PFN4: variants seen among roughly 807,000 people sequenced by gnomAD.
PFN4 encodes the protein profilin-4.
Under a neutral mutation model 16.3 loss-of-function variants are expected in PFN4, and 10 were observed. The observed-to-expected ratio is 0.61, with a 90% CI of 0.38 to 1.04. The LOEUF is 1.04. PFN4 is among the 50% of genes least tolerant of loss of function. PFN4 has a pLI of 0.01. For synonymous variants in PFN4, 54 were observed against 56.9 expected (o/e 0.95, Z 0.23); for missense variants, 136 against 153.6 (o/e 0.89, Z 0.61).
At chr2:24,119,036 G>A (rs1666014342) in intron 4 of PFN4, among the ~76,000 whole-genome samples, 1 of 152,146 alleles carries the variant, frequency 6.6e-6, no homozygotes, top group Non-Finnish European at 1.5e-5. Context: ...ATTCAAAAAT[G>A]TATAGACACG....
At chr2:24,119,046 G>A (rs1440239241) in intron 4 of PFN4, among the ~76,000 whole-genome samples, 3 of 152,034 alleles carry the variant, frequency 2.0e-5, no homozygotes, top group South Asian at 2.1e-4. Context: ...GTATAGACAC[G>A]GAGGGGGAAT....
intron 1 of PFN4, 84 bp from the exon 2 acceptor site, chr2:24,122,631 A>C: frequency 3.6e-6 from 3 of 823,356 alleles, no homozygotes; most frequent in East Asian, 4.9e-5. Flanking sequence ...AAGACACTGC[A>C]GACAGTTCTA....
At chr2:24,116,382 G>A (rs1431877459) in intron 4 of PFN4, among the ~76,000 whole-genome samples, 1 of 152,036 alleles carries the variant, frequency 6.6e-6, no homozygotes, top group African/African-American at 2.4e-5. Flanking sequence ...TTTAAAGATG[G>A]GGTCTCACTA....
intron 2 of PFN4, among the ~76,000 whole-genome samples, chr2:24,121,662 A>C (rs1666122729): frequency 6.6e-6 from 1 of 151,998 alleles, no homozygotes; most frequent in East Asian, 1.9e-4. Flanking sequence ...GGTGGGGCCT[A>C]ATGGGAGGTA....
intron 3 of PFN4, 30 bp from the exon 4 acceptor site, chr2:24,119,712 CT>C: frequency 6.5e-7 from 1 of 1,534,930 alleles, no homozygotes; most frequent in Non-Finnish European, 9.0e-7. Flanking sequence ...GAATATTCTG[CT>C]CTTGGTTCTA....
At chr2:24,117,558 T>A (rs1403383165) in intron 4 of PFN4, among the ~76,000 whole-genome samples, 1 of 152,030 alleles carries the variant, frequency 6.6e-6, no homozygotes, top group South Asian at 2.1e-4. Flanking sequence ...TTCTCCTGCC[T>A]CAGCCTCCTG....
rs777158237 is a variant in PFN4 at position 24,115,623 on chromosome 2, C to T, written c.362-12G>A. ...TCTTAGGTAGTCTCCTGAAAGCAAACACAGCATGGTTATTATTTATGAGCT... is the reference window on the plus strand; with the variant it reads ...TCTTAGGTAGTCTCCTGAAAGCAAATACAGCATGGTTATTATTTATGAGCT... On this transcript the variant is annotated splice_polypyrimidine_tract_variant and intron_variant, in intron 4 of 4. Transcript: ENST00000313213. The T allele has an allele frequency of 6.2e-7, 1 of 1,612,244 alleles. No individual in the cohort carries two copies. Among genetic ancestry groups the T allele is most frequent in the Non-Finnish European group, 8.5e-7 (1 of 1,179,002 alleles).
In PFN4 at chr2:24,122,448, T is replaced by C. The variant is rs1666149282; in HGVS notation, c.88A>G (p.Ser30Gly). ...SAALIKIQER[S>G]LCVASPGFNV... ...AAACCTGGTGATGCTACACACAAGC[T>C]CCGCTCCTGGATTTTGATGAGGGCT... The change falls in exon 2 of 5, where the codon AGC becomes GGC. Residue 30 changes from serine (S) to glycine (G), a missense_variant. Physicochemically the swap from Ser to Gly is moderately conservative, Grantham distance 56 (BLOSUM62 0). Coordinates refer to ENST00000313213, the MANE Select transcript of PFN4 (RefSeq NM_199346.3). The C allele has an allele frequency of 1.2e-6, 2 of 1,613,820 alleles. No individual in the cohort carries two copies.
At chr2:24,118,430 G>C (rs1342170184) in intron 4 of PFN4, among the ~76,000 whole-genome samples, 1 of 152,234 alleles carries the variant, frequency 6.6e-6, no homozygotes, top group Non-Finnish European at 1.5e-5. Flanking sequence ...CTAGGCCGAA[G>C]TAATTCATTG....
intron 3 of PFN4, among the ~76,000 whole-genome samples, chr2:24,120,263 C>T (rs980471024): frequency 7.7e-6 from 1 of 130,102 alleles, no homozygotes; most frequent in African/African-American, 2.6e-5. Flanking sequence ...AAGTGAAACT[C>T]GTCTCAAAAA....
At chr2:24,116,625 C>G (rs946886964) in intron 4 of PFN4, among the ~76,000 whole-genome samples, 1 of 152,040 alleles carries the variant, frequency 6.6e-6, no homozygotes, top group African/African-American at 2.4e-5. Flanking sequence ...GAGGCTGAGG[C>G]GGGCAGATCA....
intron 1 of PFN4, chr2:24,122,862 T>A (rs1666164795): frequency 5.0e-6 from 1 of 200,608 alleles, no homozygotes; most frequent in Non-Finnish European, 9.9e-6. Flanking sequence ...CATTACACAC[T>A]GAGAAAAACT....
chr2:24,119,016 T>A (rs1019878773), intron 4 of PFN4, among the ~76,000 whole-genome samples: 1 of 152,208 alleles, frequency 6.6e-6, no homozygotes, highest in Non-Finnish European at 1.5e-5. Flanking sequence ...TAGTTCTCTA[T>A]GAGATCTTTA....
intron 2 of PFN4, 89 bp from the exon 3 acceptor site, chr2:24,121,389 G>T: frequency 7.8e-7 from 1 of 1,276,774 alleles, no homozygotes; most frequent in Non-Finnish European, 1.1e-6. Context: ...TTTATGGCCT[G>T]CAAGCTAAGA....
At chr2:24,122,340 A>AAAT in intron 2 of PFN4, 79 bp downstream of exon 2, 1 of 1,080,200 alleles carries the variant, frequency 9.3e-7, no homozygotes, top group Non-Finnish European at 1.4e-6. Context: ...AAAAAAAAAA[A>AAAT]GTCATGTCTG....
rs143205556 is a variant in PFN4 at position 24,116,760 on chromosome 2, A to T, written c.362-1149T>A. 3.3e-3 allele frequency among the ~76,000 whole-genome samples: 502 copies of T among 152,038 alleles called. 4 individuals are homozygous for T. The highest frequency in any genetic ancestry group is 7.6e-3 in the Admixed American group (116 of 15,270). On this transcript the variant is annotated intron_variant, in intron 4 of 4. Coordinates refer to ENST00000313213, the MANE Select transcript of PFN4 (RefSeq NM_199346.3). Reference sequence around the variant, plus strand: ...TCCCAGCTACTTGGGAGGCTGAGGCAGGAGAATCTCTTGAACCTGGGAGGC... The same window carrying T: ...TCCCAGCTACTTGGGAGGCTGAGGCTGGAGAATCTCTTGAACCTGGGAGGC...
chr2:24,117,743 T>C (rs1251840590), intron 4 of PFN4, among the ~76,000 whole-genome samples: 1 of 152,222 alleles, frequency 6.6e-6, no homozygotes, highest in Non-Finnish European at 1.5e-5. Flanking sequence ...CCATCTGGCC[T>C]GTAATTCTTT....
rs1330733358 is a variant in PFN4, at chr2:24,123,253, T to C, written c.-148A>G. On this transcript the variant is annotated 5_prime_UTR_variant, in exon 1 of 5. Transcript: ENST00000313213. ...CTCGAGGGAGCGGACGCCACCCCGC[T>C]CTGTGGTGCCCGCAAGGACCCGGCG... 1.3e-5 allele frequency: 2 copies of C among 151,788 alleles called. No homozygotes were observed. Among genetic ancestry groups the C allele is most frequent in the African/African-American group, 2.4e-5 (1 of 41,280 alleles). The allele number at this position is 151,788 out of a possible 1,614,324, so 9.4% of individuals were successfully genotyped here.
At chr2:24,121,347 G>A (rs777725565) in intron 2 of PFN4, 47 bp from the exon 3 acceptor site, 1 of 1,566,136 alleles carries the variant, frequency 6.4e-7, no homozygotes, top group Non-Finnish European at 8.7e-7. Context: ...ACTATGGCTG[G>A]TGGCCAGCCA....
Sources: allele counts gnomAD v4.1 joint callset (sites outside exome capture counted in the v4.1 genomes callset), GRCh38; gene constraint gnomAD v4.1.1; transcripts MANE v1.5; gene names NCBI Gene and HGNC (gene_info 2026-07-23, HGNC 2026-07-21).